DHRSX: variants seen among roughly 807,000 people sequenced by gnomAD.
The protein encoded by DHRSX is polyprenol dehydrogenase.
DHRSX carries 31 observed loss-of-function variants against 34.0 expected under a neutral mutation model. That is an observed-to-expected ratio of 0.91 (90% confidence interval 0.69 to 1.23). The LOEUF (loss-of-function observed/expected upper bound fraction) is 1.23. Among genes scored for constraint, DHRSX ranks in the 50% most tolerant of loss-of-function variants. The pLI is 0.00. For missense variants in DHRSX, 414 were observed against 428.1 expected, an observed-to-expected ratio of 0.97 and a Z score of 0.29; for synonymous variants, 201 against 183.8, an observed-to-expected ratio of 1.09 and a Z score of -0.76.
intron 3 of DHRSX, among the ~76,000 whole-genome samples, chrX:2,303,944 G>A (rs1408976834): frequency 2.0e-5 from 3 of 148,832 alleles, no homozygotes; most frequent in Non-Finnish European, 3.0e-5. Flanking sequence ...TGGGTGGATC[G>A]ATGGATTGAT....
chrX:2,372,798 G>C (rs2043090459), intron 3 of DHRSX, among the ~76,000 whole-genome samples: 1 of 151,906 alleles, frequency 6.6e-6, no homozygotes, highest in Non-Finnish European at 1.5e-5. Flanking sequence ...TTAGTAGAGA[G>C]ACGGGGTTTC....
rs150227774 is a variant in DHRSX, at chrX:2,270,529, C to T, written c.389-3582G>A. 3.2e-3 allele frequency among the ~76,000 whole-genome samples: 485 copies of T among 152,278 alleles called. 1 individual carries two copies. Among genetic ancestry groups the T allele is most frequent in the African/African-American group, 0.011 (467 of 41,562 alleles). On this transcript the variant is annotated intron_variant, in intron 4 of 6. Coordinates refer to ENST00000334651, the MANE Select transcript of DHRSX (RefSeq NM_145177.3). The stretch of plus-strand genomic sequence containing the variant: ...ACAGGCCGCACTGGATGCCCCATTG[C>T]GCGGAGGGCCCACAGAAGACTCAGC...
intron 3 of DHRSX, among the ~76,000 whole-genome samples, chrX:2,335,974 G>A (rs1277529639): frequency 6.6e-6 from 1 of 152,070 alleles, no homozygotes; most frequent in Non-Finnish European, 1.5e-5. Flanking sequence ...GAGTCATGGA[G>A]CACAGTGTCT....
chrX:2,252,381 T>C (rs776855650), intron 5 of DHRSX, among the ~76,000 whole-genome samples: 6 of 152,290 alleles, frequency 3.9e-5, no homozygotes, highest in African/African-American at 1.4e-4. Flanking sequence ...TAAGGCAAAC[T>C]TCTCCAATCT....
intron 1 of DHRSX, among the ~76,000 whole-genome samples, chrX:2,429,626 AT>A (rs56358115): frequency 0.46 from 69,817 of 150,564 alleles, 20,086 homozygotes; most frequent in African/African-American, 0.82. Flanking sequence ...TTTTTTTACT[AT>A]TTTTTTTTTG....
Position 2,221,125 on chromosome X carries a change from G to A in DHRSX, c.909C>T (p.Leu303=). 5 of 1,613,960 alleles carry A rather than the reference G, an allele frequency of 3.1e-6. No individual in the cohort carries two copies. The highest frequency in any genetic ancestry group is 4.2e-6 in the Non-Finnish European group (5 of 1,179,856). Residue 303 remains leucine (L), a synonymous_variant, in exon 7 of 7, where the codon CTC becomes CTT. Transcript: ENST00000334651. ...YLYNEKETKS[L]HVTYNQKLQQ... is the part of the protein sequence containing the mutation. ...GCAGTTTCTGGTTGTAGGTGACGTG[G>A]AGGGACTTGGTCTCTTTCTCGTTGT...
intron 6 of DHRSX, among the ~76,000 whole-genome samples, chrX:2,240,287 A>G (rs2016110602): frequency 6.9e-6 from 1 of 144,966 alleles, no homozygotes; most frequent in African/African-American, 2.5e-5. Context: ...GCGAGACTCT[A>G]TCTCAAAAAA....
chrX:2,332,183 G>A (rs1032044474), intron 3 of DHRSX, among the ~76,000 whole-genome samples: 3 of 152,080 alleles, frequency 2.0e-5, no homozygotes, highest in Non-Finnish European at 4.4e-5. Flanking sequence ...CATTTGTCAG[G>A]AGAAGCAAAG....
At chrX:2,423,461 G>A (rs1040571656) in intron 2 of DHRSX, among the ~76,000 whole-genome samples, 3 of 152,006 alleles carry the variant, frequency 2.0e-5, no homozygotes, top group African/African-American at 7.2e-5. Context: ...GCATGGTGGT[G>A]CACGCCTGTC....
chrX:2,394,994 G>A (rs1305602031), intron 3 of DHRSX, among the ~76,000 whole-genome samples: 1 of 138,556 alleles, frequency 7.2e-6, no homozygotes, highest in Non-Finnish European at 1.6e-5. Flanking sequence ...GAGGACAAGT[G>A]GTCCGAGTTA....
intron 3 of DHRSX, among the ~76,000 whole-genome samples, chrX:2,292,286 A>C (rs1196259077): frequency 3.3e-5 from 5 of 152,194 alleles, no homozygotes; most frequent in African/African-American, 1.2e-4. Context: ...TCAGATCCCC[A>C]GATCTGCAGC....
rs188042907 is a variant in DHRSX at position 2,339,889 on chromosome X, T to C, written c.287-48286A>G. 1.9e-3 allele frequency among the ~76,000 whole-genome samples: 287 copies of C among 152,226 alleles called. 2 individuals are homozygous for C. The highest frequency in any genetic ancestry group is 6.6e-3 in the African/African-American group (276 of 41,552). On this transcript the variant is annotated intron_variant, in intron 3 of 6. Coordinates refer to ENST00000334651, the MANE Select transcript of DHRSX (RefSeq NM_145177.3). ...AATCCTTTGGGTATATACTCAGTCA[T>C]GTGATTACTGGGTCAAATGGTATTT...
rs764231430 is a variant in DHRSX, at chrX:2,469,800, G to A, written c.109+31017C>T. ...TCCCTAAGAATGTGGCCAAGGGACCGCCACCTTGTACATAGTGAAGACGTT... is the reference window on the plus strand; with the variant it reads ...TCCCTAAGAATGTGGCCAAGGGACCACCACCTTGTACATAGTGAAGACGTT... On this transcript the variant is annotated intron_variant, in intron 1 of 6. Coordinates refer to ENST00000334651, the MANE Select transcript of DHRSX (RefSeq NM_145177.3). 6.6e-5 allele frequency among the ~76,000 whole-genome samples: 10 copies of A among 152,294 alleles called. No individual in the cohort carries two copies. The South Asian group carries it at 1.4e-3, about 22-fold the overall frequency.
chrX:2,450,388 G>A (rs752621222), intron 1 of DHRSX, among the ~76,000 whole-genome samples: 1 of 152,178 alleles, frequency 6.6e-6, no homozygotes, highest in East Asian at 1.9e-4. Context: ...CTCGAACCCG[G>A]GAGGTGAAGG....
At chrX:2,403,982 G>A (rs1358609806) in intron 3 of DHRSX, among the ~76,000 whole-genome samples, 1 of 152,070 alleles carries the variant, frequency 6.6e-6, no homozygotes, top group Non-Finnish European at 1.5e-5. Context: ...TTGGTTAGGT[G>A]GATCACATAT....
intron 3 of DHRSX, among the ~76,000 whole-genome samples, chrX:2,340,236 G>A (rs960965897): frequency 5.3e-5 from 8 of 152,090 alleles, no homozygotes; most frequent in African/African-American, 1.9e-4. Flanking sequence ...AGTATCTAAT[G>A]TAGATGACGG....
intron 3 of DHRSX, among the ~76,000 whole-genome samples, chrX:2,342,473 C>A (rs1416804647): frequency 6.6e-6 from 1 of 151,924 alleles, no homozygotes; most frequent in Non-Finnish European, 1.5e-5. Context: ...GCCCAGCAAG[C>A]CCATCTGGCC....
At chrX:2,487,210 A>G (rs887377751) in intron 1 of DHRSX, 1 of 152,128 alleles carries the variant, frequency 6.6e-6, no homozygotes, top group African/African-American at 2.4e-5. Flanking sequence ...TTTAAAATTC[A>G]TTTCCCCTAT....
At chrX:2,283,727 A>G (rs1420418652) in intron 4 of DHRSX, among the ~76,000 whole-genome samples, 2 of 152,338 alleles carry the variant, frequency 1.3e-5, no homozygotes, top group East Asian at 3.9e-4. Flanking sequence ...GCTCATTTGA[A>G]TGAACTCATT....
Sources: gnomAD v4.1 joint callset for allele counts (sites outside exome capture counted in the v4.1 genomes callset) on GRCh38, gnomAD v4.1.1 for gene constraint, MANE v1.5 for transcripts, NCBI Gene and HGNC (gene_info 2026-07-23, HGNC 2026-07-21) for gene names.